Variants in CHERP observed in about 807,000 individuals in gnomAD.
CHERP encodes ERPROT 213-21.
Under a neutral mutation model 113.8 loss-of-function variants are expected in CHERP, and 8 were observed. The observed-to-expected ratio is 0.07, with a 90% CI of 0.04 to 0.13. CHERP has a LOEUF of 0.13. Ranked by LOEUF, CHERP falls within the 10% of genes least tolerant of loss-of-function variation. The pLI is 1.00. For missense variants in CHERP, 884 were observed against 1,298.2 expected (o/e 0.68, Z 4.90); for synonymous variants, 559 against 524.5 (o/e 1.07, Z -0.90).
Position 16,519,476 on chromosome 19 carries a change from G to T in CHERP, c.2558-124C>A. Reference sequence around the variant, plus strand: ...ATGGGTAGAGAGAACCCGCAGGCCGGCCCTGTCTAGAGGGTCTGGGTGGAG... The same window carrying T: ...ATGGGTAGAGAGAACCCGCAGGCCGTCCCTGTCTAGAGGGTCTGGGTGGAG... On this transcript the variant is annotated intron_variant, in intron 16 of 16. Transcript: ENST00000546361. The surrounding 1 kb of genome is among the most constrained non-coding windows in gnomAD (Gnocchi z 6.0). The T allele has an allele frequency of 1.6e-6, 2 of 1,267,098 alleles. No homozygotes were observed. The highest frequency in any genetic ancestry group is 2.2e-6 in the Non-Finnish European group (2 of 895,048). 78.5% of individuals were successfully genotyped at this position (1,267,098 alleles called of 1,614,324 possible).
chr19:16,531,537 A>G (rs972289660), intron 5 of CHERP, among the ~76,000 whole-genome samples: 3 of 152,172 alleles, frequency 2.0e-5, no homozygotes, highest in Non-Finnish European at 4.4e-5. Flanking sequence ...GAGCAGCTGG[A>G]AGCCCCTCAG....
At position 16,535,347 on chromosome 19, in the gene CHERP, G is replaced by T; in HGVS notation, c.384+105C>A. On this transcript the variant is annotated intron_variant, in intron 3 of 16. Transcript: ENST00000546361. The surrounding 1 kb of genome is among the most constrained non-coding windows in gnomAD (Gnocchi z 4.3). ...GCACCGAGCCCTGGGTGGCAGGGGG[G>T]GCCCTGTCCTCACTGACACCTGTTA... 3 of 1,242,132 alleles carry T rather than the reference G, an allele frequency of 2.4e-6. No individual in the cohort carries two copies. Among genetic ancestry groups the T allele is most frequent in the Non-Finnish European group, 3.4e-6 (3 of 893,128 alleles). 76.9% of individuals were successfully genotyped at this position (1,242,132 alleles called of 1,614,324 possible). A position where few individuals can be genotyped will look rare whatever the true frequency, so the allele number is the denominator to read the frequency against.
Position 16,535,234 on chromosome 19 carries a change from A to G in CHERP, c.384+218T>C, listed in dbSNP as rs1785265528. ...ACTCAGGGGGGTCCACCCCAGGGTG[A>G]TGGGTGCACGCACGTCCAGTGGCTT... On this transcript the variant is annotated intron_variant, in intron 3 of 16. Transcript: ENST00000546361. The surrounding 1 kb of genome is among the most constrained non-coding windows in gnomAD (Gnocchi z 4.3). Among the ~76,000 whole-genome samples the G allele has an allele frequency of 6.6e-6, 1 of 152,226 alleles. No homozygotes were observed. Among genetic ancestry groups the G allele is most frequent in the South Asian group, 2.1e-4 (1 of 4,830 alleles).
Position 16,519,782 on chromosome 19 carries a change from G to A in CHERP, c.2463-67C>T, listed in dbSNP as rs1027854311. 7.4e-7 allele frequency: 1 copy of A among 1,351,194 alleles called. No homozygotes were observed. The highest frequency in any genetic ancestry group is 1.1e-6 in the Non-Finnish European group (1 of 941,016). 83.7% of individuals were successfully genotyped at this position (1,351,194 alleles called of 1,614,324 possible). On this transcript the variant is annotated intron_variant, in intron 15 of 16. Coordinates refer to ENST00000546361, the MANE Select transcript of CHERP (RefSeq NM_006387.6). The surrounding 1 kb of genome is among the most constrained non-coding windows in gnomAD (Gnocchi z 6.0). ...ACATTTATTGGAATGACAGTGATGA[G>A]GACCTCACAGCCGCAGCTTGCGTGC...
In CHERP at chr19:16,529,835, G is replaced by T. The variant is rs746249219; in HGVS notation, c.942C>A (p.Ile314=). The change falls in exon 8 of 17, where the codon ATC becomes ATA. Residue 314 remains isoleucine (I), a synonymous_variant. Coordinates refer to ENST00000546361, the MANE Select transcript of CHERP (RefSeq NM_006387.6). ...QPVQLAFQQQ[I]QTLKTQHEEF... ...CCTCGTGCTGCGTCTTGAGGGTCTG[G>T]ATCTGCTGCTGGAAGGCCAGCTGCA... The T allele has an allele frequency of 2.5e-6, 4 of 1,613,842 alleles. No individual in the cohort carries two copies. Among genetic ancestry groups the T allele is most frequent in the Non-Finnish European group, 3.4e-6 (4 of 1,179,992 alleles).
intron 2 of CHERP, 28 bp downstream of exon 2, chr19:16,541,842 G>A (rs1158320548): frequency 6.2e-7 from 1 of 1,600,412 alleles, no homozygotes; most frequent in Non-Finnish European, 8.5e-7. Context: ...CGCTCGATGG[G>A]ACGGCCTGAG....
At position 16,523,165 on chromosome 19, in the gene CHERP, G is replaced by A; in HGVS notation, c.1867C>T (p.Pro623Ser). 2 of 1,567,794 alleles carry A rather than the reference G, an allele frequency of 1.3e-6. No homozygotes were observed. Among genetic ancestry groups the A allele is most frequent in the East Asian group, 2.4e-5 (1 of 41,826 alleles). The change falls in exon 11 of 17, where the codon CCC (proline) becomes TCC (serine). Residue 623 changes from proline (P) to serine (S), a missense_variant. Pro to Ser is a moderately conservative substitution (Grantham distance 74). Around this residue, in one of 8 missense-constraint regions of CHERP, gnomAD observed 464 missense variants for 590.1 expected, o/e 0.79. Transcript: ENST00000546361. The surrounding 1 kb of genome is among the most constrained non-coding windows in gnomAD (Gnocchi z 4.0). ...GPPPHGFNGQPPHMRRQGPPH... is the reference protein window; with the variant it reads ...GPPPHGFNGQSPHMRRQGPPH... ...GGGCCCTGTCGCCGCATGTGTGGGG[G>A]CTGCCCGTTGAAGCCATGGGGGGGA...
At chr19:16,536,274 G>A (rs993385161) in intron 2 of CHERP, among the ~76,000 whole-genome samples, 5 of 152,168 alleles carry the variant, frequency 3.3e-5, no homozygotes, top group East Asian at 1.9e-4. Flanking sequence ...CCATTCTGCC[G>A]GCAGAAGCCT....
chr19:16,525,106 T>C lies in CHERP; in HGVS notation c.1741+136A>G. The C allele has an allele frequency of 1.2e-6, 1 of 861,868 alleles. No homozygotes were observed. The highest frequency in any genetic ancestry group is 3.3e-5 in the East Asian group (1 of 30,182). The allele number at this position is 861,868 out of a possible 1,614,324, so 53.4% of individuals were successfully genotyped here. A position where few individuals can be genotyped will look rare whatever the true frequency, so the allele number is the denominator to read the frequency against. ...TTCCTGAGAACCCAGGCCGGGCTCC[T>C]CGGACGTCCCATGACCCTGTGTCTG... On this transcript the variant is annotated intron_variant, in intron 10 of 16. Transcript: ENST00000546361. The surrounding 1 kb of genome is among the most constrained non-coding windows in gnomAD (Gnocchi z 6.5).
At chr19:16,539,390 G>A (rs1002359476) in intron 2 of CHERP, among the ~76,000 whole-genome samples, 2 of 151,936 alleles carry the variant, frequency 1.3e-5, no homozygotes, top group African/African-American at 4.8e-5. Flanking sequence ...CTCGTGATCC[G>A]CCCGCCTCGG....
intron 2 of CHERP, 88 bp downstream of exon 2, chr19:16,541,782 G>A (rs1329858156): frequency 1.0e-5 from 14 of 1,384,820 alleles, no homozygotes; most frequent in Non-Finnish European, 1.4e-5. Context: ...TAAACGACCC[G>A]AAAGAAAGAG....
Position 16,536,120 on chromosome 19 carries a change from C to T in CHERP, c.200-484G>A, listed in dbSNP as rs149022105. 6.6e-3 allele frequency among the ~76,000 whole-genome samples: 1,007 copies of T among 152,290 alleles called. 11 individuals carry two copies. Among genetic ancestry groups the T allele is most frequent in the African/African-American group, 0.023 (942 of 41,554 alleles). On this transcript the variant is annotated intron_variant, in intron 2 of 16. Transcript: ENST00000546361. ...CTCTGCACATCTGGCCAGAAAGGCACGAAGCCGCACCCCCGAGCGCACACT... is the reference window on the plus strand; with the variant it reads ...CTCTGCACATCTGGCCAGAAAGGCATGAAGCCGCACCCCCGAGCGCACACT...
chr19:16,522,243 CGGCCCT>C (rs1351336295), intron 11 of CHERP, among the ~76,000 whole-genome samples: 3 of 151,944 alleles, frequency 2.0e-5, no homozygotes, highest in African/African-American at 4.8e-5. Flanking sequence ...CCCCAAGCCC[CGGCCCT>C]GGCCTCCCCA....
intron 11 of CHERP, among the ~76,000 whole-genome samples, chr19:16,522,023 A>G (rs1275969665): frequency 1.3e-5 from 2 of 152,074 alleles, no homozygotes; most frequent in Non-Finnish European, 2.9e-5. Flanking sequence ...CCCGCTCAGA[A>G]CAGCCTCAGC....
At chr19:16,528,528 T>G (rs1004744040) in intron 8 of CHERP, among the ~76,000 whole-genome samples, 1 of 152,228 alleles carries the variant, frequency 6.6e-6, no homozygotes, top group African/African-American at 2.4e-5. Context: ...AGAATTTCTA[T>G]CCACACTGAA....
chr19:16,532,580 CG>C lies in CHERP; in HGVS notation c.674+17del. 6.3e-7 allele frequency: 1 copy of C among 1,579,964 alleles called. No homozygotes were observed. On this transcript the variant is annotated intron_variant, in intron 5 of 16. Coordinates refer to ENST00000546361, the MANE Select transcript of CHERP (RefSeq NM_006387.6). This position sits in a 1 kb window ranked among gnomAD's most constrained non-coding sequence, Gnocchi z 4.4. ...GCGCGAGGAAGTGGCGCTCTGGGCA[CG>C]GGGTGGCGGCGCTCACCAGTGGTGC...
chr19:16,535,326 C>A lies in CHERP; in HGVS notation c.384+126G>T, dbSNP rs73514916. The A allele has an allele frequency of 2.0e-6, 2 of 1,000,094 alleles. No individual in the cohort carries two copies. Among genetic ancestry groups the A allele is most frequent in the Admixed American group, 4.5e-5 (2 of 44,414 alleles). The allele number at this position is 1,000,094 out of a possible 1,614,324, so 62.0% of individuals were successfully genotyped here. A position where few individuals can be genotyped will look rare whatever the true frequency, so the allele number is the denominator to read the frequency against. On this transcript the variant is annotated intron_variant, in intron 3 of 16. Transcript: ENST00000546361. The surrounding 1 kb of genome is among the most constrained non-coding windows in gnomAD (Gnocchi z 4.3). ...GGGGGTGACAGTGGCTGACATGCAC[C>A]GAGCCCTGGGTGGCAGGGGGGGCCC...
chr19:16,522,463 G>A (rs1777108287), intron 11 of CHERP, among the ~76,000 whole-genome samples: 1 of 152,168 alleles, frequency 6.6e-6, no homozygotes, highest in South Asian at 2.1e-4. Flanking sequence ...GTTTCACCGT[G>A]TTAGCCAGGA....
At chr19:16,524,633 G>A (rs1212824934) in intron 10 of CHERP, among the ~76,000 whole-genome samples, 2 of 151,872 alleles carry the variant, frequency 1.3e-5, no homozygotes, top group Admixed American at 1.3e-4. Context: ...CACATCTGTA[G>A]ACCCAGCTAC....
Sources: allele counts gnomAD v4.1 joint callset (sites outside exome capture counted in the v4.1 genomes callset), GRCh38; gene constraint gnomAD v4.1.1; regional missense constraint gnomAD v4.1.1; non-coding constraint Gnocchi (gnomAD v3.1); transcripts MANE v1.5; gene names NCBI Gene and HGNC (gene_info 2026-07-23, HGNC 2026-07-21).